GRM8: variants seen among roughly 807,000 people sequenced by gnomAD.
The protein encoded by GRM8 is metabotropic glutamate receptor 8.
In GRM8, 47 loss-of-function variants were observed where a neutral mutation model predicts 87.2. The ratio of observed to expected loss-of-function variants is 0.54; its 90% CI spans 0.43 to 0.69. GRM8 has a LOEUF of 0.69. GRM8 is among the 30% of genes least tolerant of loss of function. The probability of loss-of-function intolerance (pLI) is 0.00; values close to 1 mark genes in which losing one functional copy is unlikely to be tolerated. For missense variants in GRM8, 1,019 were observed against 1,139.2 expected (o/e 0.89, Z 1.52); for synonymous variants, 396 against 404.5 (o/e 0.98, Z 0.25).
intron 3 of GRM8, among the ~76,000 whole-genome samples, chr7:127,056,182 C>T (rs17862277): frequency 0.08 from 12,155 of 152,100 alleles, 527 homozygotes; most frequent in South Asian, 0.13. Context: ...TTCTTGAGTA[C>T]AGATAAGCAA....
At chr7:126,623,435 A>G (rs1800373269) in intron 7 of GRM8, among the ~76,000 whole-genome samples, 1 of 152,204 alleles carries the variant, frequency 6.6e-6, no homozygotes, top group Non-Finnish European at 1.5e-5. Flanking sequence ...TCAAAATCTT[A>G]TGTATACTTT....
At chr7:126,463,355 T>C (rs1297472800) in intron 9 of GRM8, among the ~76,000 whole-genome samples, 3 of 151,560 alleles carry the variant, frequency 2.0e-5, no homozygotes, top group African/African-American at 4.8e-5. Context: ...GTATAACTGG[T>C]TAGTCAGCCC....
At chr7:126,505,503 A>C (rs1810314888) in intron 9 of GRM8, among the ~76,000 whole-genome samples, 1 of 152,042 alleles carries the variant, frequency 6.6e-6, no homozygotes, top group African/African-American at 2.4e-5. Context: ...GGTTCCCCAA[A>C]CTAAATGGAG....
At chr7:127,003,273 G>T (rs1813905321) in intron 3 of GRM8, among the ~76,000 whole-genome samples, 1 of 151,708 alleles carries the variant, frequency 6.6e-6, no homozygotes, top group Admixed American at 6.6e-5. Context: ...AATACAAGTG[G>T]CATTGATTCT....
intron 8 of GRM8, among the ~76,000 whole-genome samples, chr7:126,597,489 C>T (rs894645096): frequency 1.3e-5 from 2 of 152,046 alleles, no homozygotes; most frequent in Non-Finnish European, 2.9e-5. Context: ...ACCAGTTATT[C>T]CTCCATCCCA....
At chr7:126,584,167 TG>T (rs1795876033) in intron 8 of GRM8, among the ~76,000 whole-genome samples, 2 of 152,190 alleles carry the variant, frequency 1.3e-5, no homozygotes, top group South Asian at 2.1e-4. Flanking sequence ...TTAAGATACG[TG>T]TTTTTTTAGA....
At chr7:127,025,412 T>A (rs894735752) in intron 3 of GRM8, among the ~76,000 whole-genome samples, 2 of 152,102 alleles carry the variant, frequency 1.3e-5, no homozygotes, top group African/African-American at 4.8e-5. Context: ...CTATTTTGCT[T>A]GACTGCTATG....
At chr7:127,207,772 C>T (rs1457827621) in intron 2 of GRM8, among the ~76,000 whole-genome samples, 1 of 152,052 alleles carries the variant, frequency 6.6e-6, no homozygotes, top group Non-Finnish European at 1.5e-5. Context: ...AACTGACCAG[C>T]ATCAATGTTA....
intron 7 of GRM8, among the ~76,000 whole-genome samples, chr7:126,615,185 A>T (rs1451712911): frequency 6.6e-6 from 1 of 152,202 alleles, no homozygotes; most frequent in Non-Finnish European, 1.5e-5. Context: ...CTCGGCAGAA[A>T]CTCTACAAGC....
At chr7:126,834,362 C>T (rs1396545496) in intron 6 of GRM8, among the ~76,000 whole-genome samples, 1 of 152,032 alleles carries the variant, frequency 6.6e-6, no homozygotes, top group Admixed American at 6.5e-5. Flanking sequence ...GAGAGCTCAC[C>T]CTGAGAAAGA....
At chr7:126,534,331 G>C (rs1291039768) in intron 8 of GRM8, among the ~76,000 whole-genome samples, 1 of 152,110 alleles carries the variant, frequency 6.6e-6, no homozygotes, top group Non-Finnish European at 1.5e-5. Flanking sequence ...ACCATACTTA[G>C]GGAAATTCAA....
At chr7:127,194,725 A>G (rs1168236362) in intron 2 of GRM8, among the ~76,000 whole-genome samples, 1 of 152,186 alleles carries the variant, frequency 6.6e-6, no homozygotes, top group Non-Finnish European at 1.5e-5. Context: ...AAATGTGAAT[A>G]CCAAGTAATG....
intron 7 of GRM8, among the ~76,000 whole-genome samples, chr7:126,763,470 TATACACAC>T (rs373911614): frequency 0.18 from 7,924 of 45,252 alleles, 227 homozygotes; most frequent in Non-Finnish European, 0.26. Flanking sequence ...TATATATATA[TATACACAC>T]ACACACACAC....
chr7:127,027,168 G>A (rs1411330085), intron 3 of GRM8, among the ~76,000 whole-genome samples: 1 of 152,056 alleles, frequency 6.6e-6, no homozygotes, highest in East Asian at 1.9e-4. Flanking sequence ...TATTTCTGAG[G>A]ACTTTGTTCT....
Position 126,740,004 on chromosome 7 carries a change from A to G in GRM8, c.1357+29861T>C, listed in dbSNP as rs192173762. 9.2e-5 allele frequency among the ~76,000 whole-genome samples: 14 copies of G among 152,190 alleles called. No homozygotes were observed. In the East Asian group the frequency reaches 2.7e-3, roughly 29 times the overall value. ...TCTATGATGTTTGCACAGTGACAAA[A>G]TCACCTAAGAACACATTTCTCAGAA... On this transcript the variant is annotated intron_variant, in intron 7 of 10. Coordinates refer to ENST00000339582, the MANE Select transcript of GRM8 (RefSeq NM_000845.3).
intron 2 of GRM8, among the ~76,000 whole-genome samples, chr7:127,133,425 A>G (rs1358010069): frequency 6.6e-6 from 1 of 151,684 alleles, no homozygotes; most frequent in African/African-American, 2.4e-5. Context: ...CTCAAAAAAA[A>G]CCACAACCCT....
chr7:126,553,496 A>G (rs1792809846), intron 8 of GRM8, among the ~76,000 whole-genome samples: 1 of 152,186 alleles, frequency 6.6e-6, no homozygotes, highest in South Asian at 2.1e-4. Flanking sequence ...ATTTTGTTTG[A>G]CCAAAAGTAG....
At chr7:127,215,762 A>C (rs1389729687) in intron 2 of GRM8, among the ~76,000 whole-genome samples, 1 of 152,206 alleles carries the variant, frequency 6.6e-6, no homozygotes, top group African/African-American at 2.4e-5. Context: ...ATAATACTAG[A>C]AGCAGAAGTT....
At chr7:126,867,324 C>T (rs1019774014) in intron 6 of GRM8, among the ~76,000 whole-genome samples, 2 of 152,096 alleles carry the variant, frequency 1.3e-5, no homozygotes, top group African/African-American at 4.8e-5. Context: ...TACACTGCCC[C>T]GATGCAGCCT....
Sources: gnomAD v4.1 joint callset for allele counts (sites outside exome capture counted in the v4.1 genomes callset) on GRCh38, gnomAD v4.1.1 for gene constraint, MANE v1.5 for transcripts, NCBI Gene and HGNC (gene_info 2026-07-23, HGNC 2026-07-21) for gene names.